Variants in CSNK1D observed in about 807,000 individuals in gnomAD.
CSNK1D encodes casein kinase I isoform delta.
CSNK1D carries 16 observed loss-of-function variants against 46.6 expected under a neutral mutation model. The observed-to-expected ratio is 0.34, with a 90% CI of 0.23 to 0.52. CSNK1D has a LOEUF of 0.52. CSNK1D is among the 20% of genes least tolerant of loss of function. CSNK1D has a pLI of 0.95. For missense variants in CSNK1D, 398 were observed against 578.4 expected, an observed-to-expected ratio of 0.69 and a Z score of 3.20; for synonymous variants, 276 against 228.2, an observed-to-expected ratio of 1.21 and a Z score of -1.89.
chr17:82,265,876 C>A, intron 1 of CSNK1D, 80 bp from the exon 2 acceptor site: 1 of 1,181,800 alleles, frequency 8.5e-7, no homozygotes, highest in Middle Eastern at 1.9e-4. Flanking sequence ...ACAACAAGCA[C>A]TATGTGTTTT....
chr17:82,273,368 A>G lies in CSNK1D; in HGVS notation c.14T>C (p.Val5Ala). The G allele has an allele frequency of 6.2e-7, 1 of 1,608,544 alleles. No individual in the cohort carries two copies. The highest frequency in any genetic ancestry group is 8.5e-7 in the Non-Finnish European group (1 of 1,178,770). Reference sequence around the variant, plus strand: ...CCGGCCCAGCCGGTACCTGTTCCCGACTCTCAGCTCCATGGCGGCGGCGGC... The same window carrying G: ...CCGGCCCAGCCGGTACCTGTTCCCGGCTCTCAGCTCCATGGCGGCGGCGGC... Reference protein sequence around the residue: MELRVGNRYRLGRKI... With the variant: MELRAGNRYRLGRKI... The change falls in exon 1 of 9, where the codon GTC (valine) becomes GCC (alanine). Residue 5 changes from valine to alanine, a missense_variant. By Grantham distance (64) the Val-to-Ala change is moderately conservative. Coordinates refer to ENST00000314028, the MANE Select transcript of CSNK1D (RefSeq NM_001893.6). This position sits in a 1 kb window ranked among gnomAD's most constrained non-coding sequence, Gnocchi z 5.1.
In CSNK1D at chr17:82,250,116, A is replaced by T. The variant is rs7406428; in HGVS notation, c.886-514T>A. On this transcript the variant is annotated intron_variant, in intron 6 of 8. Transcript: ENST00000314028. This position sits in a 1 kb window ranked among gnomAD's most constrained non-coding sequence, Gnocchi z 4.6. ...GGCGTGGCCAGCAGCCGGCAGCCGG[A>T]TCTGTGCTGCACTATCCAGATGCAC... 2 of 1,290,592 alleles carry T rather than the reference A, an allele frequency of 1.5e-6. No homozygotes were observed. The highest frequency in any genetic ancestry group is 4.6e-5 in the Admixed American group (2 of 43,558). The allele number at this position is 1,290,592 out of a possible 1,614,324, so 79.9% of individuals were successfully genotyped here.
intron 1 of CSNK1D, among the ~76,000 whole-genome samples, chr17:82,267,672 A>C (rs980100843): frequency 6.6e-6 from 1 of 152,226 alleles, no homozygotes; most frequent in Non-Finnish European, 1.5e-5. Context: ...TACTGTGTAA[A>C]TGAAAAACCA....
At chr17:82,239,111 G>A (rs562780652), downstream of CSNK1D, 24 of 857,610 alleles carry the variant, frequency 2.8e-5, no homozygotes, top group East Asian at 5.5e-5. Context: ...ATCGTCGCCC[G>A]ATCAGTGTTT....
chr17:82,244,972 C>T (rs887491371), intron 8 of CSNK1D, 141 bp from the exon 9 acceptor site: 25 of 1,029,974 alleles, frequency 2.4e-5, no homozygotes, highest in African/African-American at 4.7e-5. Context: ...TCCCCCGCCA[C>T]GCACAGGGGC....
rs763321127 is a variant in CSNK1D at position 82,245,990 on chromosome 17, C to T, written c.1198-1159G>A. 24 of 1,607,108 alleles carry T rather than the reference C, an allele frequency of 1.5e-5. No homozygotes were observed. The South Asian group carries it at 1.8e-4, about 12-fold the overall frequency. ...CGCACACTCACCCAGTGCTGCCTTC[C>T]GATGGGAGACGAGCAGCTACTTGCC... On this transcript the variant is annotated intron_variant, in intron 8 of 8. Coordinates refer to ENST00000314028, the MANE Select transcript of CSNK1D (RefSeq NM_001893.6).
chr17:82,272,874 C>T (rs2051668390), intron 1 of CSNK1D, among the ~76,000 whole-genome samples: 1 of 151,166 alleles, frequency 6.6e-6, no homozygotes, highest in African/African-American at 2.4e-5. Flanking sequence ...GCGGCCCCAG[C>T]CCTACCCCCT....
At chr17:82,242,564 GAACA>G (rs370391757), downstream of CSNK1D, 54 of 865,672 alleles carry the variant, frequency 6.2e-5, 1 homozygote, top group East Asian at 2.6e-3. Context: ...GGCTGAGAAA[GAACA>G]AACAGCCATC....
chr17:82,264,833 T>C (rs1423165438), intron 2 of CSNK1D, among the ~76,000 whole-genome samples: 1 of 150,232 alleles, frequency 6.7e-6, no homozygotes, highest in Non-Finnish European at 1.5e-5. Flanking sequence ...AGTCTCGCTC[T>C]TTCATCCAGG....
chr17:82,253,237 C>T lies in CSNK1D; in HGVS notation c.344G>A (p.Arg115His), dbSNP rs2147175517. ...VLLLADQMIS[R>H]IEYIHSKNFI... Reference sequence around the variant, plus strand: ...GTTCTTTGAATGAATGTATTCGATGCGACTGATCTGTGAGCAGAGCAAGGG... The same window carrying T: ...GTTCTTTGAATGAATGTATTCGATGTGACTGATCTGTGAGCAGAGCAAGGG... The change falls in exon 4 of 9, where the codon CGC (arginine) becomes CAC (histidine). Residue 115 changes from arginine (R) to histidine (H), a missense_variant. Around this residue, in one of 2 missense-constraint regions of CSNK1D, gnomAD observed 217 missense variants for 370.3 expected, o/e 0.59. Coordinates refer to ENST00000314028, the MANE Select transcript of CSNK1D (RefSeq NM_001893.6). The T allele has an allele frequency of 3.1e-6, 5 of 1,613,904 alleles. No homozygotes were observed. Among genetic ancestry groups the T allele is most frequent in the Non-Finnish European group, 4.2e-6 (5 of 1,179,828 alleles).
chr17:82,246,159 A>G, intron 8 of CSNK1D: 1 of 1,542,356 alleles, frequency 6.5e-7, no homozygotes, highest in Non-Finnish European at 8.8e-7. Flanking sequence ...GACAGGTGCC[A>G]CCTGGGGGAG....
chr17:82,248,473 C>T lies in CSNK1D; in HGVS notation c.1197+402G>A. On this transcript the variant is annotated intron_variant, in intron 8 of 8. Transcript: ENST00000314028. This position sits in a 1 kb window ranked among gnomAD's most constrained non-coding sequence, Gnocchi z 4.1. ...GGTCCCTACGGGCCTCCATCCCTGGCCAGTGGCAAGAATGAGGAAGAATGA... is the reference window on the plus strand; with the variant it reads ...GGTCCCTACGGGCCTCCATCCCTGGTCAGTGGCAAGAATGAGGAAGAATGA... 9.2e-7 allele frequency: 1 copy of T among 1,082,424 alleles called. No individual in the cohort carries two copies. Among genetic ancestry groups the T allele is most frequent in the South Asian group, 2.5e-5 (1 of 39,334 alleles). The allele number at this position is 1,082,424 out of a possible 1,614,324, so 67.1% of individuals were successfully genotyped here.
downstream of CSNK1D, among the ~76,000 whole-genome samples, chr17:82,240,820 C>T (rs1184841909): frequency 1.3e-5 from 2 of 152,152 alleles, no homozygotes; most frequent in Non-Finnish European, 2.9e-5. Context: ...GGTCCCTGTG[C>T]CGCAGGGTGG....
chr17:82,251,646 A>C lies in CSNK1D; in HGVS notation c.737-119T>G. On this transcript the variant is annotated intron_variant, in intron 5 of 8. Coordinates refer to ENST00000314028, the MANE Select transcript of CSNK1D (RefSeq NM_001893.6). The surrounding 1 kb of genome is among the most constrained non-coding windows in gnomAD (Gnocchi z 4.5). ...ACTCAAGGGGAGAAGGACAGATGCAAAACACCTGTCAGATTTCTAAGACCT... is the reference window on the plus strand; with the variant it reads ...ACTCAAGGGGAGAAGGACAGATGCACAACACCTGTCAGATTTCTAAGACCT... 1 of 1,004,680 alleles carries C rather than the reference A, an allele frequency of 1.0e-6. No individual in the cohort carries two copies. Among genetic ancestry groups the C allele is most frequent in the Non-Finnish European group, 1.5e-6 (1 of 648,200 alleles). 62.2% of individuals were successfully genotyped at this position (1,004,680 alleles called of 1,614,324 possible). A position where few individuals can be genotyped will look rare whatever the true frequency, so the allele number is the denominator to read the frequency against.
intron 3 of CSNK1D, chr17:82,253,608 C>T (rs1046397116): frequency 1.1e-4 from 39 of 362,818 alleles, no homozygotes; most frequent in Non-Finnish European, 1.9e-4. Context: ...TTAGGAATCA[C>T]GTGTGTTCCT....
At position 82,257,486 on chromosome 17, in the gene CSNK1D, T is replaced by C. The variant is rs568675078; in HGVS notation, c.188-1909A>G. On this transcript the variant is annotated intron_variant, in intron 2 of 8. Transcript: ENST00000314028. Reference sequence around the variant, plus strand: ...CTTCTACTTCTAACAAAAACAGTAATAGGGGCCTGATTCGCCCTCACACCT... The same window carrying C: ...CTTCTACTTCTAACAAAAACAGTAACAGGGGCCTGATTCGCCCTCACACCT... Among the ~76,000 whole-genome samples the C allele has an allele frequency of 2.2e-4, 34 of 152,278 alleles. No individual in the cohort carries two copies. The Middle Eastern group carries it at 0.01, about 46-fold the overall frequency.
chr17:82,245,592 G>A (rs1341950372), intron 8 of CSNK1D: 3 of 317,088 alleles, frequency 9.5e-6, no homozygotes, highest in South Asian at 2.8e-5. Context: ...GGACACAGAC[G>A]CCCCTCCAGG....
rs1199163292 is a variant in CSNK1D, at chr17:82,251,661, T to G, written c.737-134A>C. 14 of 921,834 alleles carry G rather than the reference T, an allele frequency of 1.5e-5. No homozygotes were observed. Among genetic ancestry groups the G allele is most frequent in the Non-Finnish European group, 2.4e-5 (14 of 578,194 alleles). The allele number at this position is 921,834 out of a possible 1,614,324, so 57.1% of individuals were successfully genotyped here. Reference sequence around the variant, plus strand: ...GACAGATGCAAAACACCTGTCAGATTTCTAAGACCTGAAGCCTTGAGAAAG... The same window carrying G: ...GACAGATGCAAAACACCTGTCAGATGTCTAAGACCTGAAGCCTTGAGAAAG... On this transcript the variant is annotated intron_variant, in intron 5 of 8. Transcript: ENST00000314028. The surrounding 1 kb of genome is among the most constrained non-coding windows in gnomAD (Gnocchi z 4.5).
chr17:82,247,087 A>G (rs1468959464), intron 8 of CSNK1D: 1 of 985,470 alleles, frequency 1.0e-6, no homozygotes, highest in Non-Finnish European at 1.2e-6. Context: ...GCCTCTCAGG[A>G]AGGCCCCCCA....
Sources: gnomAD v4.1 joint callset for allele counts (sites outside exome capture counted in the v4.1 genomes callset) on GRCh38, gnomAD v4.1.1 for gene constraint, gnomAD v4.1.1 regional missense constraint, Gnocchi (gnomAD v3.1) non-coding constraint, MANE v1.5 for transcripts, NCBI Gene and HGNC (gene_info 2026-07-23, HGNC 2026-07-21) for gene names.